PPP6C: variants seen among roughly 807,000 people sequenced by gnomAD.
PPP6C encodes serine/threonine-protein phosphatase 6 catalytic subunit.
A neutral mutation model predicts 39.8 loss-of-function variants in PPP6C; 11 were observed. The ratio of observed to expected loss-of-function variants is 0.28; its 90% confidence interval spans 0.17 to 0.46. The LOEUF (loss-of-function observed/expected upper bound fraction) is 0.46. Among genes scored for constraint, PPP6C ranks in the 20% least tolerant of loss-of-function variants. The probability of loss-of-function intolerance (pLI) is 1.00; values close to 1 mark genes in which losing one functional copy is unlikely to be tolerated. For missense variants in PPP6C, 211 were observed against 373.9 expected, an observed-to-expected ratio of 0.56 and a Z score of 3.59; for synonymous variants, 129 against 130.3, an observed-to-expected ratio of 0.99 and a Z score of 0.07.
intron 2 of PPP6C, among the ~76,000 whole-genome samples, chr9:125,166,805 G>A (rs1436031560): frequency 6.6e-6 from 1 of 152,002 alleles, no homozygotes; most frequent in East Asian, 1.9e-4. Context: ...GTGAGCCACC[G>A]TGCCCAACCC....
chr9:125,168,528 G>A (rs531418119), intron 2 of PPP6C, among the ~76,000 whole-genome samples: 5 of 152,180 alleles, frequency 3.3e-5, no homozygotes, highest in South Asian at 2.1e-4. Flanking sequence ...GCGCGATCTC[G>A]GCTCACCACA....
At chr9:125,168,481 G>A (rs371973147) in intron 2 of PPP6C, among the ~76,000 whole-genome samples, 5 of 151,994 alleles carry the variant, frequency 3.3e-5, no homozygotes, top group South Asian at 2.1e-4. Flanking sequence ...TTTTTGAGAC[G>A]GAGTTTCGCT....
At chr9:125,168,631 G>A (rs1238197655) in intron 2 of PPP6C, among the ~76,000 whole-genome samples, 2 of 151,796 alleles carry the variant, frequency 1.3e-5, no homozygotes, top group Non-Finnish European at 2.9e-5. Flanking sequence ...GCTAATTTTT[G>A]TATTTTTAGT....
At chr9:125,179,491 T>A (rs906244754) in intron 1 of PPP6C, among the ~76,000 whole-genome samples, 1 of 152,110 alleles carries the variant, frequency 6.6e-6, no homozygotes, top group African/African-American at 2.4e-5. Flanking sequence ...CTAACTCCTC[T>A]CCATGGAGGC....
At chr9:125,173,404 CAAAAAAAAAA>C (rs1157793278) in intron 1 of PPP6C, among the ~76,000 whole-genome samples, 1 of 50,750 alleles carries the variant, frequency 2.0e-5, no homozygotes, top group African/African-American at 8.5e-5. Flanking sequence ...GACTCCCTCT[CAAAAAAAAAA>C]AAAAAAAAAA....
At chr9:125,177,412 C>T (rs537403624) in intron 1 of PPP6C, among the ~76,000 whole-genome samples, 1 of 151,904 alleles carries the variant, frequency 6.6e-6, no homozygotes, top group Non-Finnish European at 1.5e-5. Flanking sequence ...TACAGAGTTC[C>T]CCTGCTGGGC....
intron 2 of PPP6C, among the ~76,000 whole-genome samples, chr9:125,165,550 AGAACATGGCTAGTCTT>A (rs1828993682): frequency 1.1e-5 from 1 of 90,164 alleles, no homozygotes; most frequent in South Asian, 3.5e-4. Flanking sequence ...CTGGCTAAAT[AGAACATGGCTAGTCTT>A]AGAACTTGCC....
intron 6 of PPP6C, chr9:125,151,157 C>A (rs923589022): frequency 2.8e-6 from 4 of 1,444,806 alleles, no homozygotes; most frequent in Non-Finnish European, 3.9e-6. Flanking sequence ...TCATCTGATG[C>A]TGGTGGAGCT....
chr9:125,182,417 A>C (rs1442945452), intron 1 of PPP6C, among the ~76,000 whole-genome samples: 1 of 152,178 alleles, frequency 6.6e-6, no homozygotes, highest in Non-Finnish European at 1.5e-5. Context: ...CAAGGCAAGA[A>C]GATGGCTGGA....
At chr9:125,156,773 C>G (rs1836087990) in intron 4 of PPP6C, among the ~76,000 whole-genome samples, 1 of 150,024 alleles carries the variant, frequency 6.7e-6, no homozygotes, top group Admixed American at 6.8e-5. Flanking sequence ...CTCTCTCTCT[C>G]TCTTTCAACC....
At chr9:125,156,119 T>C (rs1836066671) in intron 4 of PPP6C, among the ~76,000 whole-genome samples, 1 of 152,134 alleles carries the variant, frequency 6.6e-6, no homozygotes, top group Non-Finnish European at 1.5e-5. Flanking sequence ...TCAATTGGTG[T>C]TTATTTTGTG....
chr9:125,155,836 C>A (rs1246942814), intron 4 of PPP6C, among the ~76,000 whole-genome samples: 1 of 145,448 alleles, frequency 6.9e-6, no homozygotes, highest in African/African-American at 2.6e-5. Flanking sequence ...ACCCAGTAGG[C>A]AGAGCTTGCA....
intron 1 of PPP6C, among the ~76,000 whole-genome samples, chr9:125,188,424 G>A (rs950378385): frequency 2.6e-5 from 4 of 151,808 alleles, no homozygotes; most frequent in Non-Finnish European, 2.9e-5. Context: ...ATACTAGCAC[G>A]AGCTGATAAG....
chr9:125,164,942 TTGGCCAGGA>T (rs1442324539), intron 2 of PPP6C, among the ~76,000 whole-genome samples: 1 of 152,094 alleles, frequency 6.6e-6, no homozygotes, highest in African/African-American at 2.4e-5. Context: ...TTTCACCACA[TTGGCCAGGA>T]TGGTCTTGAT....
In PPP6C at chr9:125,160,443, G is replaced by T. The variant is rs915691643; in HGVS notation, c.237+398C>A. 3.3e-5 allele frequency among the ~76,000 whole-genome samples: 5 copies of T among 152,176 alleles called. No homozygotes were observed. The South Asian group carries it at 1.0e-3, about 32-fold the overall frequency. On this transcript the variant is annotated intron_variant, in intron 3 of 6. Coordinates refer to ENST00000373547, the MANE Select transcript of PPP6C (RefSeq NM_002721.5). ...CACATGTTGTGGGAGGGACTCGATG[G>T]AAAGTAATTGAATCATGGGGGCAAG... is the stretch of plus-strand genomic sequence containing the variant.
intron 1 of PPP6C, among the ~76,000 whole-genome samples, chr9:125,181,468 A>G (rs1163632871): frequency 6.6e-6 from 1 of 151,972 alleles, no homozygotes; most frequent in African/African-American, 2.4e-5. Flanking sequence ...ATTTCTCCTA[A>G]TGATATCCCT....
intron 2 of PPP6C, among the ~76,000 whole-genome samples, chr9:125,167,388 AAAAAAAAAAAAGAAAT>A (rs1247649430): frequency 1.8e-4 from 24 of 136,136 alleles, no homozygotes; most frequent in Admixed American, 5.2e-4. Context: ...CCAAAAAAAA[AAAAAAAAAAAAGAAAT>A]AAAAAAAAGG....
At chr9:125,173,669 G>A (rs1417815391) in intron 1 of PPP6C, among the ~76,000 whole-genome samples, 1 of 152,020 alleles carries the variant, frequency 6.6e-6, no homozygotes, top group African/African-American at 2.4e-5. Flanking sequence ...CCAGGCTGGA[G>A]TGCAGTGGCG....
rs1389150405 is a variant in PPP6C, at chr9:125,149,288, C to G, written c.*385G>C. ...CTGAAATTTCTTAAAACTTACCAAA[C>G]TAAAACAAAAGGCTGAATGATACAA... is the stretch of plus-strand genomic sequence containing the variant. On this transcript the variant is annotated 3_prime_UTR_variant, in exon 7 of 7. Coordinates refer to ENST00000373547, the MANE Select transcript of PPP6C (RefSeq NM_002721.5). 2 of 161,172 alleles carry G rather than the reference C, an allele frequency of 1.2e-5. No homozygotes were observed. The highest frequency in any genetic ancestry group is 2.7e-5 in the Non-Finnish European group (2 of 74,058). 10.0% of individuals were successfully genotyped at this position (161,172 alleles called of 1,614,324 possible). A position where few individuals can be genotyped will look rare whatever the true frequency, so the allele number is the denominator to read the frequency against.
Sources: gnomAD v4.1 joint callset for allele counts (sites outside exome capture counted in the v4.1 genomes callset) on GRCh38, gnomAD v4.1.1 for gene constraint, MANE v1.5 for transcripts, NCBI Gene and HGNC (gene_info 2026-07-23, HGNC 2026-07-21) for gene names.